The following MIPOL1 variants were observed in gnomAD, a reference collection of about 807,000 sequenced individuals.
The protein encoded by MIPOL1 is mirror-image polydactyly gene 1 protein.
Under a neutral mutation model 60.9 loss-of-function variants are expected in MIPOL1, and 57 were observed. The ratio of observed to expected loss-of-function variants is 0.94; its 90% CI spans 0.76 to 1.17. The LOEUF is 1.17. Among genes scored for constraint, MIPOL1 ranks in the 50% most tolerant of loss-of-function variants. MIPOL1 has a pLI of 0.00. For missense variants in MIPOL1, 551 were observed against 511.6 expected (o/e 1.08, Z -0.74); for synonymous variants, 179 against 168.8 (o/e 1.06, Z -0.47).
intron 1 of MIPOL1, among the ~76,000 whole-genome samples, chr14:37,246,612 A>G (rs1027168016): frequency 1.3e-5 from 2 of 152,108 alleles, no homozygotes; most frequent in Non-Finnish European, 1.5e-5. Flanking sequence ...AATTACTCCC[A>G]GTATATTTGT....
intron 10 of MIPOL1, among the ~76,000 whole-genome samples, chr14:37,377,381 T>C (rs2092805782): frequency 6.6e-6 from 1 of 152,058 alleles, no homozygotes; most frequent in Admixed American, 6.6e-5. Flanking sequence ...TTACATGCTG[T>C]CTGAAACTGC....
At chr14:37,210,531 C>G (rs564656507) in intron 1 of MIPOL1, among the ~76,000 whole-genome samples, 25 of 152,218 alleles carry the variant, frequency 1.6e-4, no homozygotes, top group Middle Eastern at 3.4e-3. Flanking sequence ...GCAGAACTAG[C>G]CAAGTAGATG....
intron 11 of MIPOL1, among the ~76,000 whole-genome samples, chr14:37,479,370 C>A (rs2094826773): frequency 6.6e-6 from 1 of 152,004 alleles, no homozygotes; most frequent in Non-Finnish European, 1.5e-5. Context: ...TTAGTATGAA[C>A]CCTAGAAATC....
chr14:37,200,874 G>A (rs866716758), intron 1 of MIPOL1, among the ~76,000 whole-genome samples: 7,446 of 115,538 alleles, frequency 0.064, 959 homozygotes, highest in African/African-American at 0.25. Context: ...GTGTGTGTGT[G>A]TGTGTGTGTG....
intron 11 of MIPOL1, among the ~76,000 whole-genome samples, chr14:37,467,686 T>A (rs1305536649): frequency 6.6e-6 from 1 of 152,098 alleles, no homozygotes; most frequent in Non-Finnish European, 1.5e-5. Flanking sequence ...TAAGAAACAT[T>A]AATTAACTAA....
intron 1 of MIPOL1, among the ~76,000 whole-genome samples, chr14:37,236,286 C>T (rs540456591): frequency 2.9e-4 from 44 of 152,086 alleles, no homozygotes; most frequent in South Asian, 4.2e-4. Context: ...GTGGTTTTAA[C>T]ATAGATTTCT....
At chr14:37,465,929 A>G (rs1235952556) in intron 11 of MIPOL1, among the ~76,000 whole-genome samples, 3 of 152,174 alleles carry the variant, frequency 2.0e-5, no homozygotes, top group Non-Finnish European at 4.4e-5. Flanking sequence ...AAATCTTAGG[A>G]TATTTGTTTT....
intron 11 of MIPOL1, among the ~76,000 whole-genome samples, chr14:37,473,466 T>C (rs2094719890): frequency 6.6e-6 from 1 of 152,176 alleles, no homozygotes; most frequent in Admixed American, 6.5e-5. Flanking sequence ...TGACTGTTCC[T>C]TTGTATCTTG....
At chr14:37,249,603 T>A (rs1973761431) in intron 3 of MIPOL1, among the ~76,000 whole-genome samples, 1 of 152,166 alleles carries the variant, frequency 6.6e-6, no homozygotes, top group African/African-American at 2.4e-5. Context: ...ATATAATATC[T>A]GGGTAAGATA....
intron 9 of MIPOL1, among the ~76,000 whole-genome samples, chr14:37,331,566 GGTT>G (rs896962204): frequency 4.1e-5 from 6 of 146,196 alleles, no homozygotes; most frequent in South Asian, 2.2e-4. Context: ...TTTTTTTTCA[GGTT>G]GTTCACTGTT....
At chr14:37,280,181 G>A (rs1419510211) in intron 6 of MIPOL1, among the ~76,000 whole-genome samples, 1 of 151,812 alleles carries the variant, frequency 6.6e-6, no homozygotes, top group Non-Finnish European at 1.5e-5. Flanking sequence ...AGGCTGTATT[G>A]TATTCCATTG....
chr14:37,442,637 A>G (rs1027742375), intron 11 of MIPOL1, among the ~76,000 whole-genome samples: 1 of 151,756 alleles, frequency 6.6e-6, no homozygotes, highest in Non-Finnish European at 1.5e-5. Flanking sequence ...CGAATCTAAA[A>G]TAAAAGCTGA....
Position 37,451,808 on chromosome 14 carries a change from C to CTTTTTT in MIPOL1, c.1031+28878_1031+28883dup, listed in dbSNP as rs535978128. ...CTTAAGGTTCTTTTGTTTATTCTCT[C>CTTTTTT]TTTTTTTTTTTTTTTTTTTTTTTTG... On this transcript the variant is annotated intron_variant, in intron 11 of 12. Transcript: ENST00000684589. 1.7e-3 allele frequency among the ~76,000 whole-genome samples: 140 copies of CTTTTTT among 84,554 alleles called. 13 individuals carry two copies. The highest frequency in any genetic ancestry group is 8.5e-3 in the African/African-American group (134 of 15,740). 55.5% of individuals were successfully genotyped at this position (84,554 alleles called of 152,430 possible).
At chr14:37,433,807 C>T (rs577735366) in intron 11 of MIPOL1, among the ~76,000 whole-genome samples, 4 of 152,230 alleles carry the variant, frequency 2.6e-5, no homozygotes, top group East Asian at 3.9e-4. Flanking sequence ...CCACCTGCCT[C>T]GGCCTCCCAA....
At chr14:37,478,207 C>T (rs1227849624) in intron 11 of MIPOL1, among the ~76,000 whole-genome samples, 1 of 152,016 alleles carries the variant, frequency 6.6e-6, no homozygotes, top group Non-Finnish European at 1.5e-5. Flanking sequence ...AAATGAAGAC[C>T]TCAATCATGT....
At chr14:37,532,779 G>A (rs2095487385) in intron 12 of MIPOL1, among the ~76,000 whole-genome samples, 1 of 152,060 alleles carries the variant, frequency 6.6e-6, no homozygotes, top group South Asian at 2.1e-4. Context: ...AAATCACCTA[G>A]ATAATATGAG....
Position 37,332,322 on chromosome 14 carries a change from A to T in MIPOL1, c.828+23803A>T, listed in dbSNP as rs538377802. ...TGAAATATATTGAAATGATTATATC[A>T]GTTTTGTCCTTCAGTCTGTTGATGC... On this transcript the variant is annotated intron_variant, in intron 9 of 12. Transcript: ENST00000684589. Among the ~76,000 whole-genome samples the T allele has an allele frequency of 2.6e-5, 4 of 152,116 alleles. No individual in the cohort carries two copies. In the East Asian group the frequency reaches 5.8e-4, roughly 22 times the overall value.
intron 11 of MIPOL1, among the ~76,000 whole-genome samples, chr14:37,473,437 T>C (rs1260415286): frequency 6.6e-6 from 1 of 152,158 alleles, no homozygotes; most frequent in Non-Finnish European, 1.5e-5. Context: ...ACAGACACTA[T>C]ACTATTGCTG....
intron 7 of MIPOL1, among the ~76,000 whole-genome samples, chr14:37,289,896 A>T (rs1323948544): frequency 6.6e-6 from 1 of 152,156 alleles, no homozygotes; most frequent in Non-Finnish European, 1.5e-5. Flanking sequence ...TCATTAGCGT[A>T]CAAAAAGACA....
Sources: gnomAD v4.1 joint callset for allele counts (sites outside exome capture counted in the v4.1 genomes callset) on GRCh38, gnomAD v4.1.1 for gene constraint, MANE v1.5 for transcripts, NCBI Gene and HGNC (gene_info 2026-07-23, HGNC 2026-07-21) for gene names.